ANXA8: variants seen among roughly 807,000 people sequenced by gnomAD.
ANXA8 encodes the protein VAC-beta.
Under a neutral mutation model 26.8 loss-of-function variants are expected in ANXA8, and 9 were observed. The observed-to-expected ratio is 0.34, with a 90% CI of 0.20 to 0.59. The LOEUF is 0.59. ANXA8 is among the 20% of genes least tolerant of loss of function. The probability of loss-of-function intolerance (pLI) is 0.84; values close to 1 mark genes in which losing one functional copy is unlikely to be tolerated. For missense variants in ANXA8, 83 were observed against 238.5 expected, an observed-to-expected ratio of 0.35 and a Z score of 4.29; for synonymous variants, 39 against 94.8, an observed-to-expected ratio of 0.41 and a Z score of 3.42.
chr10:47,757,986 T>G, the ANXA8 span: 4 of 1,562,436 alleles, frequency 2.6e-6, 1 homozygote, highest in South Asian at 4.8e-5. Flanking sequence ...AGGGTCTCAT[T>G]CTTCAAGGGG....
the ANXA8 span, among the ~76,000 whole-genome samples, chr10:47,968,319 T>C: frequency 6.6e-6 from 1 of 150,744 alleles, no homozygotes; most frequent in Non-Finnish European, 1.5e-5. Flanking sequence ...TTGCAAAGTA[T>C]AGGCCTCCAT....
At chr10:47,597,057 AATATC>A in the ANXA8 span, among the ~76,000 whole-genome samples, 1 of 149,330 alleles carries the variant, frequency 6.7e-6, no homozygotes, top group Non-Finnish European at 1.5e-5. Context: ...AAGATAATAC[AATATC>A]AAGTGAACTT....
At chr10:47,976,636 C>A in the ANXA8 span, among the ~76,000 whole-genome samples, 1 of 148,282 alleles carries the variant, frequency 6.7e-6, no homozygotes, top group Non-Finnish European at 1.5e-5. Flanking sequence ...CTGGGGAGGA[C>A]AGAATAGGTT....
chr10:47,565,099 C>G, the ANXA8 span: 2 of 756,948 alleles, frequency 2.6e-6, no homozygotes, highest in East Asian at 5.0e-5. Flanking sequence ...AGGACCAGCG[C>G]CCGTCCATCT....
the ANXA8 span, among the ~76,000 whole-genome samples, chr10:47,966,412 C>A: frequency 2.7e-5 from 4 of 148,876 alleles, no homozygotes; most frequent in Non-Finnish European, 1.5e-5. Context: ...GTCAATGACC[C>A]GAATCCCTGG....
the ANXA8 span, among the ~76,000 whole-genome samples, chr10:47,733,205 CTTTCTTTCTTTCTTTCTCTTTCTT>C: frequency 1.3e-5 from 1 of 78,760 alleles, no homozygotes; most frequent in South Asian, 4.7e-4. Flanking sequence ...TTCTTTCTTT[CTTTCTTTCTTTCTTTCTCTTTCTT>C]TCTCTCTTTC....
At chr10:47,647,628 C>A in the ANXA8 span, among the ~76,000 whole-genome samples, 19 of 148,738 alleles carry the variant, frequency 1.3e-4, no homozygotes, top group African/African-American at 4.9e-4. Context: ...AATGATGGGA[C>A]CAGGGTAATA....
chr10:47,686,517 T>C, the ANXA8 span, among the ~76,000 whole-genome samples: 2 of 151,930 alleles, frequency 1.3e-5, no homozygotes, highest in Non-Finnish European at 2.9e-5. Flanking sequence ...TGGCCTCCTG[T>C]CACTTTTTAT....
the ANXA8 span, among the ~76,000 whole-genome samples, chr10:47,647,560 T>A: frequency 1.3e-5 from 2 of 149,074 alleles, no homozygotes; most frequent in African/African-American, 5.1e-5. Context: ...CAGAGTGAAA[T>A]GGACAGATAA....
chr10:47,626,166 G>A, the ANXA8 span, among the ~76,000 whole-genome samples: 1 of 150,058 alleles, frequency 6.7e-6, no homozygotes, highest in African/African-American at 2.5e-5. Flanking sequence ...AGGGTCAAAT[G>A]GCAGTTAATA....
At chr10:47,958,581 C>A in the ANXA8 span, among the ~76,000 whole-genome samples, 1 of 148,402 alleles carries the variant, frequency 6.7e-6, no homozygotes, top group Non-Finnish European at 1.5e-5. Context: ...GATGGCTTCG[C>A]CTCCTCCTCT....
the ANXA8 span, chr10:47,510,076 C>T: frequency 6.8e-7 from 1 of 1,480,772 alleles, no homozygotes; most frequent in African/African-American, 1.6e-5. Flanking sequence ...TGGTTGACTC[C>T]AATTTCTTAA....
At chr10:47,955,273 CTTTT>C in the ANXA8 span, among the ~76,000 whole-genome samples, 34 of 143,596 alleles carry the variant, frequency 2.4e-4, no homozygotes, top group Middle Eastern at 3.6e-3. Context: ...TCCATTAAAT[CTTTT>C]TTTTTTTTTT....
At chr10:47,623,573 C>T in the ANXA8 span, among the ~76,000 whole-genome samples, 1 of 111,382 alleles carries the variant, frequency 9.0e-6, no homozygotes, top group East Asian at 2.2e-4. Context: ...GAATCTCATT[C>T]TTAATTATAG....
At chr10:47,684,453 G>A in the ANXA8 span, among the ~76,000 whole-genome samples, 1 of 151,804 alleles carries the variant, frequency 6.6e-6, no homozygotes, top group African/African-American at 2.4e-5. Context: ...TAGGGTAACA[G>A]TTCTACACTT....
At chr10:47,595,667 T>A in the ANXA8 span, among the ~76,000 whole-genome samples, 2 of 139,950 alleles carry the variant, frequency 1.4e-5, no homozygotes, top group Admixed American at 7.0e-5. Context: ...GACAAAAAAA[T>A]GTTATTGCTT....
At chr10:47,552,532 A>T in the ANXA8 span, among the ~76,000 whole-genome samples, 1 of 152,106 alleles carries the variant, frequency 6.6e-6, no homozygotes, top group Non-Finnish European at 1.5e-5. Flanking sequence ...TCTAAATTAC[A>T]GCTCATCTAC....
the ANXA8 span, among the ~76,000 whole-genome samples, chr10:47,589,903 TGATAGATAGATA>T: frequency 1.6e-4 from 20 of 125,712 alleles, 1 homozygote; most frequent in African/African-American, 2.8e-4. Flanking sequence ...GATAGATAGA[TGATAGATAGATA>T]GATAGATAGA....
the ANXA8 span, among the ~76,000 whole-genome samples, chr10:47,945,166 C>T: frequency 6.7e-6 from 1 of 149,904 alleles, no homozygotes; most frequent in South Asian, 2.1e-4. Context: ...ATAGCCATGC[C>T]CTCACTTGTG....
Sources: gnomAD v4.1 joint callset for allele counts (sites outside exome capture counted in the v4.1 genomes callset) on GRCh38, gnomAD v4.1.1 for gene constraint, MANE v1.5 for transcripts, NCBI Gene and HGNC (gene_info 2026-07-23, HGNC 2026-07-21) for gene names.